ZNF215: variants seen among roughly 807,000 people sequenced by gnomAD.
The protein encoded by ZNF215 is BWSCR2-associated zinc finger protein 2.
In ZNF215, 24 loss-of-function variants were observed where a neutral mutation model predicts 27.2. The ratio of observed to expected loss-of-function variants is 0.88; its 90% CI spans 0.64 to 1.24. The LOEUF (loss-of-function observed/expected upper bound fraction) is 1.24. Among genes scored for constraint, ZNF215 ranks in the 50% most tolerant of loss-of-function variants. The pLI is 0.00. For missense variants in ZNF215, 675 were observed against 605.7 expected, an observed-to-expected ratio of 1.11 and a Z score of -1.20; for synonymous variants, 210 against 204.0, an observed-to-expected ratio of 1.03 and a Z score of -0.25.
chr11:6,969,344 A>G (rs1425223443), intron 5 of ZNF215, among the ~76,000 whole-genome samples: 1 of 151,952 alleles, frequency 6.6e-6, no homozygotes, highest in Non-Finnish European at 1.5e-5. Flanking sequence ...CATTTGAGCT[A>G]CTCCTTGTGG....
At chr11:6,931,042 T>TGTAACAG (rs1329028997) in intron 2 of ZNF215, among the ~76,000 whole-genome samples, 4 of 152,232 alleles carry the variant, frequency 2.6e-5, no homozygotes, top group Non-Finnish European at 4.4e-5. Context: ...AATCTCTAGC[T>TGTAACAG]GTAACAGTCA....
chr11:6,973,225 CTCA>C (rs568086944), intron 5 of ZNF215, among the ~76,000 whole-genome samples: 74 of 152,296 alleles, frequency 4.9e-4, no homozygotes, highest in African/African-American at 1.7e-3. Context: ...AGGACATGAA[CTCA>C]TCATTTTTTA....
downstream of ZNF215, among the ~76,000 whole-genome samples, chr11:6,993,102 G>A (rs534842864): frequency 2.0e-5 from 3 of 152,294 alleles, no homozygotes; most frequent in African/African-American, 7.2e-5. Context: ...TTGTCACGCT[G>A]TCAGCCTACC....
intron 4 of ZNF215, 90 bp from the exon 5 acceptor site, chr11:6,942,993 G>A: frequency 2.6e-6 from 4 of 1,514,890 alleles, no homozygotes; most frequent in Admixed American, 2.1e-5. Flanking sequence ...GGTGTATTCT[G>A]GCTCCTACCC....
intron 5 of ZNF215, among the ~76,000 whole-genome samples, chr11:6,966,854 A>G (rs940681247): frequency 3.9e-5 from 6 of 151,948 alleles, no homozygotes; most frequent in Non-Finnish European, 8.8e-5. Context: ...ATCCATGTGC[A>G]GAACAGGCAG....
intron 4 of ZNF215, among the ~76,000 whole-genome samples, chr11:6,942,243 A>G (rs1006423332): frequency 5.9e-5 from 9 of 152,140 alleles, no homozygotes; most frequent in African/African-American, 1.9e-4. Flanking sequence ...CTTGAAGGAG[A>G]GGAAAGGAAG....
chr11:6,955,623 G>C, intron 6 of ZNF215, 67 bp from the exon 7 acceptor site: 2 of 1,509,492 alleles, frequency 1.3e-6, no homozygotes, highest in Non-Finnish European at 8.8e-7. Flanking sequence ...ACCTTATACA[G>C]TTCAGCCTCC....
chr11:6,983,988 G>C, intron 5 of ZNF215: 1 of 235,560 alleles, frequency 4.2e-6, no homozygotes, highest in Admixed American at 5.7e-5. Flanking sequence ...GAGACTAAAC[G>C]CCTAAAACAT....
chr11:6,951,010 G>A (rs1315893220), intron 6 of ZNF215, among the ~76,000 whole-genome samples: 1 of 151,902 alleles, frequency 6.6e-6, no homozygotes, highest in Non-Finnish European at 1.5e-5. Context: ...TTTGTCTTTG[G>A]TTCTGTTTAT....
chr11:6,988,487 A>T (rs1564981012), downstream of ZNF215: 1 of 155,492 alleles, frequency 6.4e-6, no homozygotes, highest in Non-Finnish European at 1.4e-5. Context: ...GCAGCTTTCT[A>T]TCCAGGCACC....
chr11:6,956,162 T>G lies in ZNF215; in HGVS notation c.1185T>G (p.Ile395Met). Residue 395 changes from isoleucine (I) to methionine (M), a missense_variant, in exon 7 of 7, where the codon ATT becomes ATG. Ile to Met is a conservative substitution (Grantham distance 10). Coordinates refer to ENST00000278319, the MANE Select transcript of ZNF215 (RefSeq NM_013250.4). ...CCTTCTGCCGAAGTTCATCCCTTATTCGACATCAGATCATTCACACAGGAG... is the reference window on the plus strand; with the variant it reads ...CCTTCTGCCGAAGTTCATCCCTTATGCGACATCAGATCATTCACACAGGAG... Reference protein sequence around the residue: ...GKAFCRSSSLIRHQIIHTGEK... With the variant: ...GKAFCRSSSLMRHQIIHTGEK... The G allele has an allele frequency of 1.2e-6, 2 of 1,613,760 alleles. No individual in the cohort carries two copies. The highest frequency in any genetic ancestry group is 1.7e-6 in the Non-Finnish European group (2 of 1,179,970).
downstream of ZNF215, among the ~76,000 whole-genome samples, chr11:6,993,268 C>T (rs1332984814): frequency 6.6e-6 from 1 of 152,148 alleles, no homozygotes; most frequent in Non-Finnish European, 1.5e-5. Flanking sequence ...CTCTGCAACT[C>T]GCCTTGAATT....
intron 3 of ZNF215, 124 bp from the exon 4 acceptor site, chr11:6,941,447 G>T: frequency 1.3e-6 from 1 of 750,362 alleles, no homozygotes. Flanking sequence ...GGCAGGGCCT[G>T]ACATTATTTT....
rs565917219 is a variant in ZNF215, at chr11:6,973,582, C to T, written c.806-10547C>T. The stretch of plus-strand genomic sequence containing the variant: ...TGTTGTTTCCTGACTTTTTAATGAT[C>T]GCCATTCTAACTGGTGTGAGATGGT... On this transcript the variant is annotated intron_variant, in intron 5 of 5. Coordinates refer to the ZNF215 transcript ENST00000529903. Among the ~76,000 whole-genome samples, 643 of 152,160 alleles carry T rather than the reference C, an allele frequency of 4.2e-3. 5 individuals carry two copies. Among genetic ancestry groups the T allele is most frequent in the African/African-American group, 0.014 (570 of 41,516 alleles).
chr11:6,977,955 G>T (rs1053245526), intron 5 of ZNF215, among the ~76,000 whole-genome samples: 1 of 151,984 alleles, frequency 6.6e-6, no homozygotes, highest in Admixed American at 6.6e-5. Context: ...CACAGCAAAA[G>T]GAAACTATAA....
chr11:6,954,367 C>T (rs181784831), intron 6 of ZNF215, among the ~76,000 whole-genome samples: 8 of 152,358 alleles, frequency 5.3e-5, no homozygotes, highest in Admixed American at 2.0e-4. Flanking sequence ...ACGAAGGCCT[C>T]CTTGAGCTGT....
Position 6,957,172 on chromosome 11 carries a change from T to C in ZNF215, c.*641T>C, listed in dbSNP as rs1850393577. 2.0e-6 allele frequency: 2 copies of C among 985,438 alleles called. No homozygotes were observed. 61.0% of individuals were successfully genotyped at this position (985,438 alleles called of 1,614,324 possible). On this transcript the variant is annotated 3_prime_UTR_variant, in exon 7 of 7. Transcript: ENST00000278319. ...TATGTATTCTTAAAATCTGCATTTG[T>C]TTATAGCAGGTCCTTGAAAAATGTT...
downstream of ZNF215, among the ~76,000 whole-genome samples, chr11:6,959,637 T>A (rs1007242405): frequency 1.3e-5 from 2 of 152,170 alleles, no homozygotes; most frequent in Admixed American, 1.3e-4. Flanking sequence ...GAAAGCTGTG[T>A]CTGGAATGAG....
intron 5 of ZNF215, among the ~76,000 whole-genome samples, chr11:6,967,756 T>C (rs1321944099): frequency 6.6e-6 from 1 of 152,244 alleles, no homozygotes; most frequent in Non-Finnish European, 1.5e-5. Context: ...ACTCTGATGA[T>C]AGTTTCTTTT....
Sources: allele counts gnomAD v4.1 joint callset (sites outside exome capture counted in the v4.1 genomes callset), GRCh38; gene constraint gnomAD v4.1.1; transcripts MANE v1.5; gene names NCBI Gene and HGNC (gene_info 2026-07-23, HGNC 2026-07-21).